The following ESR2 variants were observed in gnomAD, a reference collection of about 807,000 sequenced individuals.
ESR2 encodes estrogen receptor 2.
Under a neutral mutation model 49.6 loss-of-function variants are expected in ESR2, and 36 were observed. That is an observed-to-expected ratio of 0.73 (90% CI 0.56 to 0.96). The LOEUF is 0.96. ESR2 is among the 40% of genes least tolerant of loss of function. ESR2 has a pLI of 0.00. For missense variants in ESR2, 714 were observed against 693.0 expected (o/e 1.03, Z -0.34); for synonymous variants, 320 against 266.1 (o/e 1.20, Z -1.97).
chr14:64,240,988 CAAAA>C (rs1281548477), intron 7 of ESR2, among the ~76,000 whole-genome samples: 1 of 150,780 alleles, frequency 6.6e-6, no homozygotes, highest in African/African-American at 2.4e-5. Flanking sequence ...ACTAAAAATA[CAAAA>C]AAAATTAGCC....
rs1567724523 is a variant in ESR2, at chr14:64,232,415, C to G, written c.*722G>C. ...GCTCCAGAAGCAGCGAGATTTGTAT[C>G]TCCCACAGTCCTGCATGAAAATGAT... On this transcript the variant is annotated 3_prime_UTR_variant, in exon 9 of 9. Coordinates refer to ENST00000341099, the MANE Select transcript of ESR2 (RefSeq NM_001437.3). 1 of 152,314 alleles carries G rather than the reference C, an allele frequency of 6.6e-6. No individual in the cohort carries two copies. Among genetic ancestry groups the G allele is most frequent in the South Asian group, 2.1e-4 (1 of 4,816 alleles). The allele number at this position is 152,314 out of a possible 1,614,324, so 9.4% of individuals were successfully genotyped here. A position where few individuals can be genotyped will look rare whatever the true frequency, so the allele number is the denominator to read the frequency against.
intron 1 of ESR2, among the ~76,000 whole-genome samples, chr14:64,305,531 C>T (rs1243664449): frequency 1.3e-5 from 2 of 151,444 alleles, no homozygotes; most frequent in African/African-American, 4.9e-5. Context: ...ATTAGGCGGG[C>T]GTGGTAGCGG....
downstream of ESR2, chr14:64,227,598 G>C: frequency 6.2e-7 from 1 of 1,614,218 alleles, no homozygotes. Context: ...GTGAGTGTTT[G>C]AGAGGCCTTT....
chr14:64,310,310 T>G (rs1028449679), intron 1 of ESR2, among the ~76,000 whole-genome samples: 2 of 149,144 alleles, frequency 1.3e-5, no homozygotes, highest in Non-Finnish European at 3.0e-5. Context: ...ATAATAATAA[T>G]AATAATAATT....
chr14:64,254,584 TAA>T (rs60183978), intron 6 of ESR2, among the ~76,000 whole-genome samples: 46 of 131,834 alleles, frequency 3.5e-4, no homozygotes, highest in Middle Eastern at 3.9e-3. Context: ...CCGTCTCCAC[TAA>T]AAAAAAAAAA....
intron 1 of ESR2, among the ~76,000 whole-genome samples, chr14:64,331,677 T>G (rs774497018): frequency 5.9e-5 from 9 of 151,752 alleles, no homozygotes; most frequent in Non-Finnish European, 1.0e-4. Flanking sequence ...ATACAAGAAA[T>G]TAGCCGAGCG....
chr14:64,298,212 C>T (rs1274999221), upstream of ESR2, among the ~76,000 whole-genome samples: 1 of 152,210 alleles, frequency 6.6e-6, no homozygotes, highest in Non-Finnish European at 1.5e-5. Flanking sequence ...CTAGCCTGGA[C>T]ACCACAGTAG....
chr14:64,278,759 G>GA (rs2076606915), intron 3 of ESR2, among the ~76,000 whole-genome samples: 1 of 152,192 alleles, frequency 6.6e-6, no homozygotes, highest in African/African-American at 2.4e-5. Context: ...GACCAGCCTT[G>GA]AAATCAGGGG....
chr14:64,317,733 T>A (rs538712664), intron 1 of ESR2, among the ~76,000 whole-genome samples: 1 of 152,300 alleles, frequency 6.6e-6, no homozygotes, highest in East Asian at 1.9e-4. Context: ...TAACTCACTA[T>A]GTTAACAGGC....
intron 1 of ESR2, chr14:64,330,372 T>G (rs1435294767): frequency 6.7e-6 from 1 of 150,220 alleles, no homozygotes; most frequent in Non-Finnish European, 1.5e-5. Flanking sequence ...GAGGTTACGG[T>G]GAGCTGAGAT....
upstream of ESR2, among the ~76,000 whole-genome samples, chr14:64,299,059 A>G (rs186929879): frequency 7.6e-4 from 115 of 152,184 alleles, no homozygotes; most frequent in Non-Finnish European, 1.4e-3. Context: ...AATTTCACAA[A>G]TGACTCAAAT....
intron 1 of ESR2, among the ~76,000 whole-genome samples, chr14:64,284,287 T>G (rs546990239): frequency 6.6e-6 from 1 of 152,008 alleles, no homozygotes; most frequent in South Asian, 2.1e-4. Context: ...AATTTTTGTA[T>G]GTAAAGTGAG....
chr14:64,241,133 G>A (rs1182524498), intron 7 of ESR2, among the ~76,000 whole-genome samples: 5 of 115,132 alleles, frequency 4.3e-5, no homozygotes, highest in Middle Eastern at 0.012. Context: ...GCCACAGAGC[G>A]AGACTCCGTC....
chr14:64,313,702 C>T (rs1373737612), intron 1 of ESR2, among the ~76,000 whole-genome samples: 2 of 151,096 alleles, frequency 1.3e-5, no homozygotes, highest in South Asian at 2.1e-4. Context: ...ATCCTGGCAC[C>T]CCACCTCTAC....
intron 1 of ESR2, among the ~76,000 whole-genome samples, chr14:64,332,637 A>G (rs1290847001): frequency 6.6e-6 from 1 of 151,590 alleles, no homozygotes; most frequent in Non-Finnish European, 1.5e-5. Flanking sequence ...CGTCTCTACT[A>G]AAAACACAAA....
intron 7 of ESR2, among the ~76,000 whole-genome samples, chr14:64,240,175 T>C (rs1159586069): frequency 1.3e-5 from 2 of 152,358 alleles, no homozygotes; most frequent in East Asian, 1.9e-4. Context: ...GCTGTACCAC[T>C]GCAGATGTGA....
intron 1 of ESR2, among the ~76,000 whole-genome samples, chr14:64,321,612 G>C (rs1323636694): frequency 6.6e-6 from 1 of 152,160 alleles, no homozygotes; most frequent in Non-Finnish European, 1.5e-5. Flanking sequence ...CACTATTTAA[G>C]AAATTTGATT....
chr14:64,261,235 T>C (rs947098672), intron 4 of ESR2, among the ~76,000 whole-genome samples: 1 of 84,074 alleles, frequency 1.2e-5, no homozygotes, highest in East Asian at 2.6e-4. Context: ...TATTTTTCTT[T>C]TTTCTTTTTT....
chr14:64,282,712 G>T lies in ESR2; in HGVS notation c.274C>A (p.His92Asn). 6.2e-7 allele frequency: 1 copy of T among 1,614,178 alleles called. No individual in the cohort carries two copies. Among genetic ancestry groups the T allele is most frequent in the Non-Finnish European group, 8.5e-7 (1 of 1,180,010 alleles). The change falls in exon 2 of 9, where the codon CAT becomes AAT. Residue 92 changes from histidine (H) to asparagine (N), a missense_variant. His to Asn is a moderately conservative substitution (Grantham distance 68, BLOSUM62 1). Coordinates refer to ENST00000341099, the MANE Select transcript of ESR2 (RefSeq NM_001437.3). ...GCATACAGATGTGATAACTGGCGAT[G>T]GACCACTAAAGGAGAAAGGTGCCCA... Reference protein sequence around the residue: ...TPGHLSPLVVHRQLSHLYAEP... With the variant: ...TPGHLSPLVVNRQLSHLYAEP...
Sources: gnomAD v4.1 joint callset for allele counts (sites outside exome capture counted in the v4.1 genomes callset) on GRCh38, gnomAD v4.1.1 for gene constraint, MANE v1.5 for transcripts, NCBI Gene and HGNC (gene_info 2026-07-23, HGNC 2026-07-21) for gene names.